The following RORA variants were observed in gnomAD, a reference collection of about 807,000 sequenced individuals.
The protein encoded by RORA is RAR related orphan receptor A.
Under a neutral mutation model 69.5 loss-of-function variants are expected in RORA, and 7 were observed. The observed-to-expected ratio is 0.10, with a 90% confidence interval of 0.06 to 0.19. The LOEUF is 0.19. Among genes scored for constraint, RORA ranks in the 10% least tolerant of loss-of-function variants. RORA has a pLI of 1.00. For missense variants in RORA, 457 were observed against 663.0 expected (o/e 0.69, Z 3.41); for synonymous variants, 261 against 240.8 (o/e 1.08, Z -0.78).
At chr15:61,101,840 G>T (rs2078884732) in intron 1 of RORA, among the ~76,000 whole-genome samples, 1 of 152,056 alleles carries the variant, frequency 6.6e-6, no homozygotes, top group Non-Finnish European at 1.5e-5. Flanking sequence ...TGGACCGGGT[G>T]GGGACAGCAG....
At chr15:60,666,079 C>T (rs973513297) in intron 2 of RORA, among the ~76,000 whole-genome samples, 7 of 151,980 alleles carry the variant, frequency 4.6e-5, no homozygotes, top group African/African-American at 1.7e-4. Context: ...CACACACATA[C>T]AGACACACTT....
chr15:60,649,682 T>C (rs2070110964), intron 2 of RORA, among the ~76,000 whole-genome samples: 1 of 152,158 alleles, frequency 6.6e-6, no homozygotes, highest in Admixed American at 6.5e-5. Context: ...TGCCCCCAGG[T>C]GTTTTCTCCC....
chr15:60,610,046 A>T (rs2069049781), intron 2 of RORA, among the ~76,000 whole-genome samples: 1 of 152,140 alleles, frequency 6.6e-6, no homozygotes, highest in East Asian at 1.9e-4. Flanking sequence ...GATTTAATAC[A>T]ATCTGGAATG....
chr15:60,871,340 T>C (rs1019978239), intron 1 of RORA, among the ~76,000 whole-genome samples: 1 of 152,232 alleles, frequency 6.6e-6, no homozygotes, highest in Non-Finnish European at 1.5e-5. Context: ...GAGTTCAGCC[T>C]ACAAGCTTAA....
At chr15:61,205,101 T>C (rs1297515690) in intron 1 of RORA, among the ~76,000 whole-genome samples, 2 of 151,910 alleles carry the variant, frequency 1.3e-5, no homozygotes, top group African/African-American at 4.8e-5. Flanking sequence ...GAAGTTTGAG[T>C]TTTTTCCCCT....
At chr15:60,592,839 C>T in intron 2 of RORA, 1 of 502,516 alleles carries the variant, frequency 2.0e-6, no homozygotes, top group Non-Finnish European at 3.7e-6. Flanking sequence ...CTGCACGCAG[C>T]GCCCCGCGGA....
intron 1 of RORA, among the ~76,000 whole-genome samples, chr15:60,823,008 T>G (rs2072911821): frequency 6.6e-6 from 1 of 151,552 alleles, no homozygotes; most frequent in South Asian, 2.1e-4. Flanking sequence ...CTTCCATCCT[T>G]TCTTCCCTCC....
At chr15:60,604,114 C>T (rs567923768) in intron 2 of RORA, among the ~76,000 whole-genome samples, 1 of 120,114 alleles carries the variant, frequency 8.3e-6, no homozygotes, top group South Asian at 2.8e-4. Flanking sequence ...GCCTGGGTGA[C>T]AGAGCGAGAC....
intron 1 of RORA, among the ~76,000 whole-genome samples, chr15:60,780,010 A>C (rs2072231140): frequency 6.6e-6 from 1 of 152,214 alleles, no homozygotes; most frequent in Admixed American, 6.5e-5. Flanking sequence ...CATCTCATGG[A>C]AGTAAGAAGA....
chr15:60,822,075 A>G (rs2072900260), intron 1 of RORA, among the ~76,000 whole-genome samples: 2 of 152,236 alleles, frequency 1.3e-5, no homozygotes, highest in Non-Finnish European at 2.9e-5. Context: ...TTGTATTGCT[A>G]GAGAAACTGA....
At chr15:60,853,569 G>A (rs1435898774) in intron 1 of RORA, among the ~76,000 whole-genome samples, 5 of 152,156 alleles carry the variant, frequency 3.3e-5, no homozygotes, top group South Asian at 4.1e-4. Context: ...AGAAAATAGC[G>A]ATTAAAACAT....
chr15:61,010,673 T>C (rs1895059470), intron 1 of RORA, among the ~76,000 whole-genome samples: 1 of 152,200 alleles, frequency 6.6e-6, no homozygotes, highest in Non-Finnish European at 1.5e-5. Context: ...TGTGATCCCT[T>C]GTGCCTCAGT....
intron 2 of RORA, among the ~76,000 whole-genome samples, chr15:60,609,637 C>T (rs192022495): frequency 1.4e-4 from 21 of 152,246 alleles, no homozygotes; most frequent in Admixed American, 9.2e-4. Flanking sequence ...CAGAAGCCGC[C>T]GCATCTCAAC....
At chr15:60,532,288 G>T (rs1238419601) in intron 2 of RORA, among the ~76,000 whole-genome samples, 9 of 151,712 alleles carry the variant, frequency 5.9e-5, no homozygotes, top group Admixed American at 5.9e-4. Flanking sequence ...GTCAGGTCTA[G>T]TTAGGAAAAT....
chr15:61,115,873 G>A (rs1345786064), intron 1 of RORA, among the ~76,000 whole-genome samples: 1 of 151,638 alleles, frequency 6.6e-6, no homozygotes, highest in Non-Finnish European at 1.5e-5. Flanking sequence ...CCTTTAGGAG[G>A]TGAGTCATGA....
At chr15:60,644,898 CCTT>C (rs1341672633) in intron 2 of RORA, among the ~76,000 whole-genome samples, 1 of 152,054 alleles carries the variant, frequency 6.6e-6, no homozygotes, top group Non-Finnish European at 1.5e-5. Flanking sequence ...GGTGGCTAAG[CCTT>C]CTTTTTTTCA....
rs760038991 is a variant in RORA at position 60,497,542 on chromosome 15, G to A, written c.1485C>T (p.Tyr495=). 18 of 1,613,160 alleles carry A rather than the reference G, an allele frequency of 1.1e-5. 1 individual carries two copies. The highest frequency in any genetic ancestry group is 2.2e-5 in the East Asian group (1 of 44,882). Residue 495 remains tyrosine, a synonymous_variant, in exon 11 of 11, where the codon TAC becomes TAT. Transcript: ENST00000335670. ...TEKLMAFKAI[Y]PDIVRLHFPP... ...GAAAATGAAGTCGCACAATGTCTGG[G>A]TATATTGCTTTAAATGCCATTAGCT... is the stretch of plus-strand genomic sequence containing the variant.
intron 2 of RORA, among the ~76,000 whole-genome samples, chr15:60,613,394 C>G (rs1009419837): frequency 6.6e-6 from 1 of 151,980 alleles, no homozygotes; most frequent in Non-Finnish European, 1.5e-5. Flanking sequence ...AGAGAAAGCC[C>G]GGTGACAAAT....
Position 61,100,661 on chromosome 15 carries a change from A to G in RORA, c.166+128392T>C, listed in dbSNP as rs373615482. On this transcript the variant is annotated intron_variant, in intron 1 of 10. Transcript: ENST00000335670. Reference sequence around the variant, plus strand: ...TTTGGCATGGGGCTGCACTCCCCCTAATGGAAAGGGGCCATGACACATTCC... The same window carrying G: ...TTTGGCATGGGGCTGCACTCCCCCTGATGGAAAGGGGCCATGACACATTCC... 4.3e-3 allele frequency among the ~76,000 whole-genome samples: 647 copies of G among 152,206 alleles called. 5 individuals carry two copies. Among genetic ancestry groups the G allele is most frequent in the African/African-American group, 0.015 (610 of 41,522 alleles).
Sources: allele counts gnomAD v4.1 joint callset (sites outside exome capture counted in the v4.1 genomes callset), GRCh38; gene constraint gnomAD v4.1.1; transcripts MANE v1.5; gene names NCBI Gene and HGNC (gene_info 2026-07-23, HGNC 2026-07-21).